CACHD1: variants seen among roughly 807,000 people sequenced by gnomAD.
The protein encoded by CACHD1 is cache domain containing 1, also known as VWFA and cache domain-containing protein 1.
CACHD1 carries 71 observed loss-of-function variants against 138.7 expected under a neutral mutation model. The ratio of observed to expected loss-of-function variants is 0.51; its 90% CI spans 0.42 to 0.62. The LOEUF (loss-of-function observed/expected upper bound fraction) is 0.62, where lower values mean the gene tolerates loss of function less well. CACHD1 is among the 20% of genes least tolerant of loss of function. CACHD1 has a pLI of 0.00. For synonymous variants in CACHD1, 578 were observed against 591.5 expected (o/e 0.98, Z 0.33); for missense variants, 1,389 against 1,625.3 (o/e 0.85, Z 2.50).
At chr1:64,475,871 G>C (rs979271482) in intron 1 of CACHD1, among the ~76,000 whole-genome samples, 9 of 152,156 alleles carry the variant, frequency 5.9e-5, no homozygotes, top group Admixed American at 3.3e-4. Flanking sequence ...CCCTTAATCT[G>C]TCAACTAATG....
rs112089755 is a variant in CACHD1 at position 64,606,106 on chromosome 1, A to AACACACAC, written c.517+3211_517+3218dup. On this transcript the variant is annotated intron_variant, in intron 4 of 26. Transcript: ENST00000651257. Reference sequence around the variant, plus strand: ...CTTTTGTTCTAGGTCAGGAGCTGTAAACACACACACACACACACACACACG... The same window carrying AACACACAC: ...CTTTTGTTCTAGGTCAGGAGCTGTAAACACACACACACACACACACACACACACACACG... Among the ~76,000 whole-genome samples, 539 of 148,924 alleles carry AACACACAC rather than the reference A, an allele frequency of 3.6e-3. 5 individuals carry two copies. The highest frequency in any genetic ancestry group is 0.012 in the African/African-American group (504 of 40,574).
chr1:64,480,886 C>CTTTTTTTTTTTTTTTTTTTTTTTTTT (rs530847374), intron 1 of CACHD1, among the ~76,000 whole-genome samples: 16 of 140,576 alleles, frequency 1.1e-4, no homozygotes, highest in African/African-American at 4.0e-4. Flanking sequence ...CTCTCTCTCC[C>CTTTTTTTTTTTTTTTTTTTTTTTTTT]TTTTTTTTTT....
At chr1:64,531,630 A>G (rs934000269) in intron 1 of CACHD1, among the ~76,000 whole-genome samples, 22 of 152,302 alleles carry the variant, frequency 1.4e-4, no homozygotes, top group African/African-American at 5.1e-4. Context: ...ACAAGACCAT[A>G]AACTCTGAAA....
intron 1 of CACHD1, among the ~76,000 whole-genome samples, chr1:64,475,978 G>A (rs1646172952): frequency 6.6e-6 from 1 of 152,184 alleles, no homozygotes; most frequent in South Asian, 2.1e-4. Flanking sequence ...GGTAGAGAGA[G>A]AAACAGGATA....
chr1:64,644,224 C>T (rs1648830484), intron 8 of CACHD1, among the ~76,000 whole-genome samples: 1 of 152,194 alleles, frequency 6.6e-6, no homozygotes, highest in Non-Finnish European at 1.5e-5. Context: ...GTGTTGGATT[C>T]TTTCATTCAT....
intron 1 of CACHD1, among the ~76,000 whole-genome samples, chr1:64,499,181 G>A (rs1378814078): frequency 1.3e-5 from 2 of 152,156 alleles, no homozygotes; most frequent in Non-Finnish European, 2.9e-5. Context: ...ACTGTTGGTT[G>A]TTTTTCCCAG....
chr1:64,519,065 T>C (rs967384225), intron 1 of CACHD1, among the ~76,000 whole-genome samples: 3 of 152,204 alleles, frequency 2.0e-5, no homozygotes, highest in Non-Finnish European at 4.4e-5. Context: ...TAGGTACCAT[T>C]TAACTGAGTG....
chr1:64,493,164 T>C (rs1646288128), intron 1 of CACHD1, among the ~76,000 whole-genome samples: 1 of 152,260 alleles, frequency 6.6e-6, no homozygotes, highest in Non-Finnish European at 1.5e-5. Context: ...GCATATCTTA[T>C]AAATGTTTGG....
chr1:64,599,776 A>C (rs1647195467), intron 3 of CACHD1, among the ~76,000 whole-genome samples: 1 of 152,138 alleles, frequency 6.6e-6, no homozygotes, highest in South Asian at 2.1e-4. Context: ...TGGTCCCACG[A>C]GCCAGCCTGC....
intron 4 of CACHD1, among the ~76,000 whole-genome samples, chr1:64,604,176 C>G (rs1337635678): frequency 2.0e-5 from 3 of 152,110 alleles, no homozygotes; most frequent in Non-Finnish European, 2.9e-5. Flanking sequence ...TCTATTAGGT[C>G]TGAAAAGAAT....
intron 3 of CACHD1, among the ~76,000 whole-genome samples, chr1:64,584,745 AT>A (rs1647038023): frequency 6.6e-6 from 1 of 152,094 alleles, no homozygotes; most frequent in South Asian, 2.1e-4. Context: ...ATTGTATTTA[AT>A]TTTTATACTA....
At chr1:64,681,551 T>TTTTTTGTTTG (rs1553146879) in intron 25 of CACHD1, among the ~76,000 whole-genome samples, 7 of 115,002 alleles carry the variant, frequency 6.1e-5, no homozygotes, top group African/African-American at 1.9e-4. Flanking sequence ...GTTTTTTTTT[T>TTTTTTGTTTG]TTTTTTTTTT....
chr1:64,542,821 A>G (rs1039334719), intron 1 of CACHD1, among the ~76,000 whole-genome samples: 1 of 152,130 alleles, frequency 6.6e-6, no homozygotes. Context: ...AGCTTTATCA[A>G]ATTAATCTCT....
intron 2 of CACHD1, among the ~76,000 whole-genome samples, chr1:64,556,203 T>C (rs1438317513): frequency 6.6e-6 from 1 of 152,202 alleles, no homozygotes; most frequent in Non-Finnish European, 1.5e-5. Flanking sequence ...ATTTCCTGCT[T>C]TCACTTTGTT....
intron 1 of CACHD1, among the ~76,000 whole-genome samples, chr1:64,472,166 T>G (rs529076965): frequency 7.2e-6 from 1 of 139,210 alleles, no homozygotes; most frequent in Non-Finnish European, 1.6e-5. Context: ...TTTTGGGATT[T>G]AGGTTTCTTA....
At chr1:64,575,848 C>T (rs1159791281) in intron 2 of CACHD1, among the ~76,000 whole-genome samples, 1 of 152,164 alleles carries the variant, frequency 6.6e-6, no homozygotes, top group East Asian at 1.9e-4. Flanking sequence ...CACCCCCAAT[C>T]TTCTGAAGTA....
At chr1:64,583,948 G>C (rs111380028) in intron 3 of CACHD1, among the ~76,000 whole-genome samples, 1 of 152,016 alleles carries the variant, frequency 6.6e-6, no homozygotes, top group South Asian at 2.1e-4. Flanking sequence ...ATTTAGGTGG[G>C]GACACAGCCA....
Position 64,567,535 on chromosome 1 carries a change from A to G in CACHD1, c.262-14621A>G, listed in dbSNP as rs540073025. On this transcript the variant is annotated intron_variant, in intron 2 of 26. Transcript: ENST00000651257. ...ATTTGTGCCACAACCCTCTGATACAAATACAGTTCTTCGCCTCATTTTGAG... is the reference window on the plus strand; with the variant it reads ...ATTTGTGCCACAACCCTCTGATACAGATACAGTTCTTCGCCTCATTTTGAG... 5.3e-5 allele frequency among the ~76,000 whole-genome samples: 8 copies of G among 152,276 alleles called. No individual in the cohort carries two copies. In the South Asian group the frequency reaches 1.7e-3, roughly 32 times the overall value.
Position 64,678,240 on chromosome 1 carries a change from C to A in CACHD1, c.3174C>A (p.Ala1058=). ...CTCACCTGGACAAACCCTACTGTGC[C>A]CCCCAGAAAGAATGCTTCGGGGGGA... ...GKTHLDKPYC[A]PQKECFGGIV... Residue 1058 remains alanine (A), a synonymous_variant, in exon 23 of 27, where the codon GCC becomes GCA. Transcript: ENST00000651257. 1 of 1,611,436 alleles carries A rather than the reference C, an allele frequency of 6.2e-7. No individual in the cohort carries two copies. The highest frequency in any genetic ancestry group is 1.3e-5 in the African/African-American group (1 of 74,888).
Sources: gnomAD v4.1 joint callset for allele counts (sites outside exome capture counted in the v4.1 genomes callset) on GRCh38, gnomAD v4.1.1 for gene constraint, MANE v1.5 for transcripts, NCBI Gene and HGNC (gene_info 2026-07-23, HGNC 2026-07-21) for gene names.